Variants in TNFSF15 observed in about 807,000 individuals in gnomAD.
TNFSF15 encodes the protein tumor necrosis factor ligand superfamily member 15.
TNFSF15 carries 15 observed loss-of-function variants against 26.4 expected under a neutral mutation model. The observed-to-expected ratio is 0.57, with a 90% CI of 0.38 to 0.87. The LOEUF is 0.87. Among genes scored for constraint, TNFSF15 ranks in the 40% least tolerant of loss-of-function variants. The probability of loss-of-function intolerance (pLI) is 0.00; values close to 1 mark genes in which losing one functional copy is unlikely to be tolerated. For missense variants in TNFSF15, 290 were observed against 306.1 expected (o/e 0.95, Z 0.39); for synonymous variants, 116 against 115.0 (o/e 1.01, Z -0.06).
At chr9:114,803,612 A>G (rs1038543367) in intron 1 of TNFSF15, among the ~76,000 whole-genome samples, 1 of 152,146 alleles carries the variant, frequency 6.6e-6, no homozygotes, top group African/African-American at 2.4e-5. Context: ...CTCCTGGCTC[A>G]GTTGCCCCTG....
At chr9:114,802,992 G>A (rs1235030443) in intron 1 of TNFSF15, among the ~76,000 whole-genome samples, 1 of 152,160 alleles carries the variant, frequency 6.6e-6, no homozygotes, top group Non-Finnish European at 1.5e-5. Context: ...TAGGCTAGCT[G>A]ACCTTCAAAG....
intron 2 of TNFSF15, among the ~76,000 whole-genome samples, chr9:114,793,054 G>A (rs2131303555): frequency 6.6e-6 from 1 of 152,300 alleles, no homozygotes; most frequent in Non-Finnish European, 1.5e-5. Context: ...GAAATATTAT[G>A]TTGGATTAGG....
intron 3 of TNFSF15, 61 bp from the exon 4 acceptor site, chr9:114,790,967 A>AGC: frequency 6.4e-7 from 1 of 1,553,164 alleles, no homozygotes; most frequent in Admixed American, 1.7e-5. Context: ...TTGCTTAAAA[A>AGC]GTGTCTCATA....
chr9:114,803,802 T>C (rs148321700), intron 1 of TNFSF15, among the ~76,000 whole-genome samples: 2 of 152,320 alleles, frequency 1.3e-5, no homozygotes, highest in Non-Finnish European at 2.9e-5. Flanking sequence ...CTCCTAGGCT[T>C]TAGTTCTCTC....
chr9:114,799,890 C>T (rs1829722069), intron 1 of TNFSF15, among the ~76,000 whole-genome samples: 2 of 152,224 alleles, frequency 1.3e-5, no homozygotes, highest in Non-Finnish European at 2.9e-5. Context: ...CTCTGGTTTC[C>T]CTTCCCTTTG....
intron 3 of TNFSF15, 170 bp downstream of exon 3, chr9:114,792,237 A>G (rs892675816): frequency 8.0e-5 from 46 of 573,024 alleles, no homozygotes; most frequent in African/African-American, 1.2e-4. Context: ...ACACACACAC[A>G]CACACACACA....
At chr9:114,792,702 G>A (rs557319105) in intron 2 of TNFSF15, among the ~76,000 whole-genome samples, 2 of 152,210 alleles carry the variant, frequency 1.3e-5, no homozygotes, top group Non-Finnish European at 2.9e-5. Context: ...CTTTGGGCAA[G>A]TTTATCTAGC....
chr9:114,791,044 G>T (rs2131302577), intron 3 of TNFSF15, 138 bp from the exon 4 acceptor site: 1 of 755,128 alleles, frequency 1.3e-6, no homozygotes, highest in East Asian at 2.7e-5. Context: ...GGGGAGGAAT[G>T]AATGAAGAAT....
In TNFSF15 at chr9:114,790,682, A is replaced by AGTC; in HGVS notation, c.523_525dup (p.Asp175dup). On this transcript the variant is annotated inframe_insertion, in exon 4 of 4. Coordinates refer to ENST00000374045, the MANE Select transcript of TNFSF15 (RefSeq NM_005118.4). ...ACCTTGGTGATGACCACAGTGATGG[A>AGTC]GTCTGGCTTGTTTGGTCGGCCTGCT... is the stretch of plus-strand genomic sequence containing the variant. 6.2e-7 allele frequency: 1 copy of AGTC among 1,613,990 alleles called. No individual in the cohort carries two copies.
Position 114,790,239 on chromosome 9 carries a change from G to C in TNFSF15, c.*213C>G. The C allele has an allele frequency of 4.1e-6, 2 of 483,300 alleles. No homozygotes were observed. The highest frequency in any genetic ancestry group is 7.3e-6 in the Non-Finnish European group (2 of 274,456). The allele number at this position is 483,300 out of a possible 1,614,324, so 29.9% of individuals were successfully genotyped here. A position where few individuals can be genotyped will look rare whatever the true frequency, so the allele number is the denominator to read the frequency against. The stretch of plus-strand genomic sequence containing the variant: ...TCCAACCCATCTTAATAATATATTT[G>C]CTCTCTTCAGCCTTTTTCCAGTTAG... On this transcript the variant is annotated 3_prime_UTR_variant, in exon 4 of 4. Transcript: ENST00000374045.
intron 1 of TNFSF15, among the ~76,000 whole-genome samples, chr9:114,805,082 G>C (rs1449911287): frequency 6.6e-6 from 1 of 152,066 alleles, no homozygotes; most frequent in Non-Finnish European, 1.5e-5. Context: ...GTTCTCCCTA[G>C]ACTTCATATT....
intron 1 of TNFSF15, among the ~76,000 whole-genome samples, chr9:114,797,387 C>T (rs147599889): frequency 6.6e-6 from 1 of 152,294 alleles, no homozygotes; most frequent in African/African-American, 2.4e-5. Flanking sequence ...TACAACATTC[C>T]AAGAGTCCGC....
At chr9:114,805,044 C>A (rs1829799762) in intron 1 of TNFSF15, among the ~76,000 whole-genome samples, 1 of 152,140 alleles carries the variant, frequency 6.6e-6, no homozygotes, top group Non-Finnish European at 1.5e-5. Flanking sequence ...ATGTTTTCTT[C>A]TTGACACCTA....
Position 114,787,286 on chromosome 9 carries a change from C to T in TNFSF15, c.*3166G>A, listed in dbSNP as rs1362542149. 1 of 152,160 alleles carries T rather than the reference C, an allele frequency of 6.6e-6. No homozygotes were observed. The allele number at this position is 152,160 out of a possible 1,614,324, so 9.4% of individuals were successfully genotyped here. On this transcript the variant is annotated 3_prime_UTR_variant, in exon 4 of 4. Transcript: ENST00000374045. The stretch of plus-strand genomic sequence containing the variant: ...AAACACAAATCATTTTGTTAGTCAT[C>T]AGCCTTAATCAAATGGCATCCATTT...
At chr9:114,800,057 T>G (rs1829723795) in intron 1 of TNFSF15, among the ~76,000 whole-genome samples, 1 of 152,072 alleles carries the variant, frequency 6.6e-6, no homozygotes, top group Admixed American at 6.6e-5. Flanking sequence ...TGAAAGAGAT[T>G]ATCATGATCC....
chr9:114,805,145 A>C (rs895256372), intron 1 of TNFSF15, among the ~76,000 whole-genome samples: 1 of 152,212 alleles, frequency 6.6e-6, no homozygotes, highest in Non-Finnish European at 1.5e-5. Flanking sequence ...GAGATAGACA[A>C]CCAGGCAGGA....
At chr9:114,794,413 G>A (rs182939527) in intron 1 of TNFSF15, among the ~76,000 whole-genome samples, 3 of 152,258 alleles carry the variant, frequency 2.0e-5, no homozygotes, top group East Asian at 3.9e-4. Flanking sequence ...ATTATACATG[G>A]TTGGTGGGAA....
At chr9:114,799,770 G>T (rs1829717475) in intron 1 of TNFSF15, among the ~76,000 whole-genome samples, 1 of 152,194 alleles carries the variant, frequency 6.6e-6, no homozygotes, top group Non-Finnish European at 1.5e-5. Context: ...TTACCTGGTG[G>T]TTGAGTGGAT....
At chr9:114,803,896 G>A (rs1829780781) in intron 1 of TNFSF15, among the ~76,000 whole-genome samples, 1 of 152,222 alleles carries the variant, frequency 6.6e-6, no homozygotes, top group Non-Finnish European at 1.5e-5. Flanking sequence ...AGTGCTGGAT[G>A]TTCCAGCCCT....
Sources: allele counts gnomAD v4.1 joint callset (sites outside exome capture counted in the v4.1 genomes callset), GRCh38; gene constraint gnomAD v4.1.1; transcripts MANE v1.5; gene names NCBI Gene and HGNC (gene_info 2026-07-23, HGNC 2026-07-21).